PARN: variants seen among roughly 807,000 people sequenced by gnomAD.
PARN encodes the protein poly(A)-specific ribonuclease PARN.
Under a neutral mutation model 102.8 loss-of-function variants are expected in PARN, and 71 were observed. That is an observed-to-expected ratio of 0.69 (90% CI 0.57 to 0.84). The LOEUF (loss-of-function observed/expected upper bound fraction) is 0.84, where lower values mean the gene tolerates loss of function less well. Ranked by LOEUF, PARN falls within the 40% of genes least tolerant of loss-of-function variation. PARN has a pLI of 0.00. For synonymous variants in PARN, 261 were observed against 252.9 expected (o/e 1.03, Z -0.30); for missense variants, 782 against 760.9 (o/e 1.03, Z -0.33).
At chr16:14,536,052 T>G (rs928282888) in intron 21 of PARN, among the ~76,000 whole-genome samples, 4 of 152,198 alleles carry the variant, frequency 2.6e-5, no homozygotes, top group Non-Finnish European at 4.4e-5. Flanking sequence ...TTACACATTA[T>G]TCACTATGGA....
chr16:14,441,374 A>G (rs1477787810), intron 23 of PARN, among the ~76,000 whole-genome samples: 1 of 152,224 alleles, frequency 6.6e-6, no homozygotes, highest in Non-Finnish European at 1.5e-5. Context: ...TGGAGTTGAA[A>G]TGGAGAAACT....
chr16:14,482,251 C>G (rs186496782), intron 22 of PARN, among the ~76,000 whole-genome samples: 2 of 152,138 alleles, frequency 1.3e-5, no homozygotes, highest in African/African-American at 4.8e-5. Flanking sequence ...CAAAATTAGC[C>G]AGGTGTGGTG....
At chr16:14,472,274 A>G (rs1171401071) in intron 22 of PARN, among the ~76,000 whole-genome samples, 1 of 152,188 alleles carries the variant, frequency 6.6e-6, no homozygotes, top group Non-Finnish European at 1.5e-5. Flanking sequence ...AAAATTCTGC[A>G]TTTTACATTA....
intron 10 of PARN, among the ~76,000 whole-genome samples, chr16:14,604,729 C>G (rs1971079483): frequency 6.6e-6 from 1 of 152,076 alleles, no homozygotes; most frequent in Non-Finnish European, 1.5e-5. Context: ...GATTCTCCTG[C>G]CTCAGCCTCC....
intron 10 of PARN, 42 bp from the exon 11 acceptor site, chr16:14,604,268 C>CT (rs201317085): frequency 8.8e-4 from 1,126 of 1,285,596 alleles, no homozygotes; most frequent in East Asian, 4.8e-3. Context: ...TTTTCTTTTT[C>CT]TTTTTTTTTG....
At position 14,606,489 on chromosome 16, in the gene PARN, C is replaced by T. The variant is rs1312257752; in HGVS notation, c.697G>A (p.Glu233Lys). 1.3e-5 allele frequency: 21 copies of T among 1,567,242 alleles called. No homozygotes were observed. The highest frequency in any genetic ancestry group is 1.7e-5 in the Non-Finnish European group (20 of 1,144,828). ...TAGATAATTCTTGGGGTTACCTTTT[C>T]AGTTTCTAAAGTCTCAACATGAATG... The part of the protein sequence containing the change: ...KGIHVETLET[E>K]KKERYIVISK... Residue 233 changes from glutamate (E) to lysine (K), a missense_variant, in exon 10 of 24, where the codon GAA becomes AAA. Coordinates refer to ENST00000437198, the MANE Select transcript of PARN (RefSeq NM_002582.4).
chr16:14,472,126 C>G (rs914179661), intron 22 of PARN, among the ~76,000 whole-genome samples: 6 of 152,216 alleles, frequency 3.9e-5, no homozygotes, highest in Non-Finnish European at 7.3e-5. Context: ...CCCAACCAGA[C>G]AGATATGCCA....
intron 18 of PARN, among the ~76,000 whole-genome samples, chr16:14,565,581 G>C (rs545249566): frequency 3.3e-5 from 5 of 152,202 alleles, no homozygotes; most frequent in Non-Finnish European, 5.9e-5. Flanking sequence ...GAGGAAACAA[G>C]CCCCACACAA....
chr16:14,605,556 C>A (rs999025212), intron 10 of PARN, among the ~76,000 whole-genome samples: 28 of 152,072 alleles, frequency 1.8e-4, no homozygotes, highest in African/African-American at 6.5e-4. Flanking sequence ...TAAGAAAAAA[C>A]TCTGGATTTT....
At chr16:14,561,303 C>T (rs1968047713) in intron 18 of PARN, among the ~76,000 whole-genome samples, 1 of 152,156 alleles carries the variant, frequency 6.6e-6, no homozygotes, top group Non-Finnish European at 1.5e-5. Flanking sequence ...TGCTTCCCCG[C>T]CAACTGGATC....
intron 21 of PARN, among the ~76,000 whole-genome samples, chr16:14,494,682 G>T (rs1964224244): frequency 6.6e-6 from 1 of 152,250 alleles, no homozygotes; most frequent in Non-Finnish European, 1.5e-5. Flanking sequence ...CCACACTGAG[G>T]AGTTCAGTCA....
At chr16:14,463,533 A>G (rs1328332897) in intron 22 of PARN, among the ~76,000 whole-genome samples, 2 of 152,214 alleles carry the variant, frequency 1.3e-5, no homozygotes, top group Non-Finnish European at 2.9e-5. Context: ...TTAACAGAGT[A>G]GGACACTGAA....
At chr16:14,621,815 A>C (rs1446460926) in intron 5 of PARN, among the ~76,000 whole-genome samples, 1 of 151,724 alleles carries the variant, frequency 6.6e-6, no homozygotes, top group East Asian at 1.9e-4. Context: ...TCAAAAAAAA[A>C]AAAAAAAACC....
At chr16:14,582,322 A>G (rs1969583888) in intron 16 of PARN, 31 bp from the exon 17 acceptor site, 1 of 1,431,322 alleles carries the variant, frequency 7.0e-7, no homozygotes, top group Non-Finnish European at 9.9e-7. Context: ...GTTTTCCTCA[A>G]AACAAAGACT....
intron 5 of PARN, among the ~76,000 whole-genome samples, chr16:14,620,888 C>G (rs191748863): frequency 6.6e-6 from 1 of 152,248 alleles, no homozygotes; most frequent in East Asian, 1.9e-4. Flanking sequence ...TCTATTCATA[C>G]CATAGTGATT....
intron 6 of PARN, among the ~76,000 whole-genome samples, chr16:14,613,176 G>C (rs1031981599): frequency 2.6e-5 from 4 of 151,778 alleles, no homozygotes; most frequent in Admixed American, 2.6e-4. Flanking sequence ...GGGCGTGGTG[G>C]CACATGCCTG....
chr16:14,613,309 CAAA>C (rs754334898), intron 6 of PARN, among the ~76,000 whole-genome samples: 1 of 73,374 alleles, frequency 1.4e-5, no homozygotes. Context: ...AACTCCATCT[CAAA>C]AAAAAAAAAA....
rs775164255 is a variant in PARN, at chr16:14,610,704, T to C, written c.494A>G (p.Asn165Ser). 10 of 1,609,274 alleles carry C rather than the reference T, an allele frequency of 6.2e-6. No homozygotes were observed. The highest frequency in any genetic ancestry group is 7.7e-6 in the Non-Finnish European group (9 of 1,175,634). Residue 165 changes from asparagine (N) to serine (S), a missense_variant, in exon 7 of 24, where the codon AAC becomes AGC. By Grantham distance (46) the Asn-to-Ser change is conservative (BLOSUM62 1). Coordinates refer to ENST00000437198, the MANE Select transcript of PARN (RefSeq NM_002582.4). ...AATCGTGACAGGACATTTTGAAGTGTTAGGAGATACATAGGACAGAGCTCC... is the reference window on the plus strand; with the variant it reads ...AATCGTGACAGGACATTTTGAAGTGCTAGGAGATACATAGGACAGAGCTCC... ...GAGALSYVSP[N>S]TSKCPVTIPE... is the part of the protein sequence containing the mutation.
At chr16:14,474,343 G>A (rs982472338) in intron 22 of PARN, among the ~76,000 whole-genome samples, 9 of 152,194 alleles carry the variant, frequency 5.9e-5, no homozygotes, top group South Asian at 2.1e-4. Flanking sequence ...TTATTGTAGC[G>A]TCATAAAGAG....
Sources: allele counts gnomAD v4.1 joint callset (sites outside exome capture counted in the v4.1 genomes callset), GRCh38; gene constraint gnomAD v4.1.1; transcripts MANE v1.5; gene names NCBI Gene and HGNC (gene_info 2026-07-23, HGNC 2026-07-21).